The following DNMT3A variants were observed in gnomAD, a reference collection of about 807,000 sequenced individuals.
DNMT3A encodes DNA (cytosine-5)-methyltransferase 3A.
A neutral mutation model predicts 117.6 loss-of-function variants in DNMT3A; 267 were observed. The observed-to-expected ratio is 2.27, with a 90% CI of 2.05 to 2.51. The LOEUF (loss-of-function observed/expected upper bound fraction) is 2.51, where lower values mean the gene tolerates loss of function less well. Among genes scored for constraint, DNMT3A ranks in the 30% most tolerant of loss-of-function variants. The probability of loss-of-function intolerance (pLI) is 0.00; values close to 1 mark genes in which losing one functional copy is unlikely to be tolerated. For synonymous variants in DNMT3A, 432 were observed against 474.8 expected, an observed-to-expected ratio of 0.91 and a Z score of 1.17; for missense variants, 1,029 against 1,260.2, an observed-to-expected ratio of 0.82 and a Z score of 2.78.
Position 25,231,024 on chromosome 2 carries a change from G to A in DNMT3A, c.*3255C>T, listed in dbSNP as rs747110609. On this transcript the variant is annotated 3_prime_UTR_variant, in exon 23 of 23. Transcript: ENST00000321117. Reference sequence around the variant, plus strand: ...CACCAACCCTTTGGTTGGAGCACCAGGCCCAGTTCCGGTGGAGCTTGGGCC... The same window carrying A: ...CACCAACCCTTTGGTTGGAGCACCAAGCCCAGTTCCGGTGGAGCTTGGGCC... 1 of 152,290 alleles carries A rather than the reference G, an allele frequency of 6.6e-6. No homozygotes were observed. The highest frequency in any genetic ancestry group is 1.5e-5 in the Non-Finnish European group (1 of 68,092). The allele number at this position is 152,290 out of a possible 1,614,324, so 9.4% of individuals were successfully genotyped here.
intron 3 of DNMT3A, among the ~76,000 whole-genome samples, chr2:25,291,720 G>A (rs773887672): frequency 9.2e-5 from 14 of 152,220 alleles, no homozygotes; most frequent in Admixed American, 6.5e-5. Context: ...CTCTCCACCC[G>A]TGTGTCTGAG....
rs1675987649 is a variant in DNMT3A at position 25,254,919 on chromosome 2, C to G, written c.640-6667G>C. On this transcript the variant is annotated intron_variant, in intron 6 of 22. Coordinates refer to ENST00000321117, the MANE Select transcript of DNMT3A (RefSeq NM_022552.5). This position sits in a 1 kb window ranked among gnomAD's most constrained non-coding sequence, Gnocchi z 4.7. The stretch of plus-strand genomic sequence containing the variant: ...AGAACTGGCCAGAACTGTTCACTTT[C>G]TCTTGGCCACATATTAGGTAGCTGT... Among the ~76,000 whole-genome samples, 1 of 152,224 alleles carries G rather than the reference C, an allele frequency of 6.6e-6. No individual in the cohort carries two copies. Among genetic ancestry groups the G allele is most frequent in the Non-Finnish European group, 1.5e-5 (1 of 68,046 alleles).
intron 13 of DNMT3A, among the ~76,000 whole-genome samples, chr2:25,244,864 G>A (rs1016918577): frequency 5.3e-5 from 8 of 152,322 alleles, no homozygotes; most frequent in African/African-American, 1.9e-4. Context: ...AGAGCAGCCT[G>A]AGAACAAGGC....
chr2:25,258,600 A>G (rs745741387), intron 6 of DNMT3A, among the ~76,000 whole-genome samples: 1 of 152,196 alleles, frequency 6.6e-6, no homozygotes, highest in African/African-American at 2.4e-5. Flanking sequence ...ACATGAAACC[A>G]CAGCCCTCAT....
At position 25,282,377 on chromosome 2, in the gene DNMT3A, G is replaced by C; in HGVS notation, c.448+64C>G. 1 of 1,568,060 alleles carries C rather than the reference G, an allele frequency of 6.4e-7. No individual in the cohort carries two copies. Among genetic ancestry groups the C allele is most frequent in the Non-Finnish European group, 8.7e-7 (1 of 1,155,982 alleles). ...TTCCTGGGACCTGCTGGAGAGCCAAGTCCCTGACTCTCAGGGTATGCTGGT... is the reference window on the plus strand; with the variant it reads ...TTCCTGGGACCTGCTGGAGAGCCAACTCCCTGACTCTCAGGGTATGCTGGT... On this transcript the variant is annotated intron_variant, in intron 4 of 22. Transcript: ENST00000321117. The surrounding 1 kb of genome is among the most constrained non-coding windows in gnomAD (Gnocchi z 5.2).
rs553618123 is a variant in DNMT3A at position 25,317,154 on chromosome 2, C to T, written c.-177-2993G>A. 2.6e-5 allele frequency among the ~76,000 whole-genome samples: 4 copies of T among 151,824 alleles called. No individual in the cohort carries two copies. The South Asian group carries it at 8.3e-4, about 32-fold the overall frequency. The stretch of plus-strand genomic sequence containing the variant: ...CAATGCAGCCTCAAACTCCTGGGCT[C>T]AAGTGCAAGTGATCCTCCCACCTCA... On this transcript the variant is annotated intron_variant, in intron 1 of 22. Coordinates refer to ENST00000321117, the MANE Select transcript of DNMT3A (RefSeq NM_022552.5).
At chr2:25,338,934 C>T (rs2035310718) in intron 1 of DNMT3A, among the ~76,000 whole-genome samples, 1 of 152,116 alleles carries the variant, frequency 6.6e-6, no homozygotes, top group African/African-American at 2.4e-5. Context: ...ATTATCCACA[C>T]ACAGGGATTT....
At chr2:25,332,135 G>A (rs1303455281) in intron 1 of DNMT3A, among the ~76,000 whole-genome samples, 1 of 152,104 alleles carries the variant, frequency 6.6e-6, no homozygotes, top group East Asian at 1.9e-4. Flanking sequence ...CCGAGCTCTC[G>A]TCCTCGATGC....
At position 25,237,657 on chromosome 2, in the gene DNMT3A, C is replaced by T. The variant is rs541680824; in HGVS notation, c.2409-652G>A. On this transcript the variant is annotated intron_variant, in intron 20 of 22. Coordinates refer to ENST00000321117, the MANE Select transcript of DNMT3A (RefSeq NM_022552.5). This position sits in a 1 kb window ranked among gnomAD's most constrained non-coding sequence, Gnocchi z 5.4. ...GCAGGTGCCTGTAATCCCAGCTACT[C>T]GGGAGGCTGAGGCAGGAGAATCGCT... 6.1e-4 allele frequency among the ~76,000 whole-genome samples: 92 copies of T among 151,780 alleles called. No individual in the cohort carries two copies. In the South Asian group the frequency reaches 0.012, roughly 20 times the overall value.
At chr2:25,275,220 C>T in intron 5 of DNMT3A, 133 bp from the exon 6 acceptor site, 1 of 1,316,496 alleles carries the variant, frequency 7.6e-7, no homozygotes, top group Non-Finnish European at 1.0e-6. Flanking sequence ...CTGGGCAGGC[C>T]CCGTGTGGGC....
rs375577092 is a variant in DNMT3A, at chr2:25,236,924, G to A, written c.2478+12C>T. ...CTGCCCCCCAGCAGAGGTTCTAGAC[G>A]CTGGAGCTGACCTTGGCTATCCTGC... On this transcript the variant is annotated intron_variant, in intron 21 of 22. Coordinates refer to ENST00000321117, the MANE Select transcript of DNMT3A (RefSeq NM_022552.5). The surrounding 1 kb of genome is among the most constrained non-coding windows in gnomAD (Gnocchi z 4.5). 1.4e-5 allele frequency: 22 copies of A among 1,609,760 alleles called. 1 individual carries two copies. Among genetic ancestry groups the A allele is most frequent in the East Asian group, 8.9e-5 (4 of 44,802 alleles).
intron 6 of DNMT3A, among the ~76,000 whole-genome samples, chr2:25,269,497 A>G (rs1473945983): frequency 2.0e-5 from 3 of 152,216 alleles, no homozygotes; most frequent in Non-Finnish European, 4.4e-5. Flanking sequence ...GAAGGAAGGA[A>G]GGAGCATGGC....
rs1675709470 is a variant in DNMT3A, at chr2:25,252,533, C to A, written c.640-4281G>T. Among the ~76,000 whole-genome samples the A allele has an allele frequency of 3.3e-5, 5 of 151,490 alleles. No individual in the cohort carries two copies. Among genetic ancestry groups the A allele is most frequent in the Admixed American group, 3.3e-4 (5 of 15,222 alleles). On this transcript the variant is annotated intron_variant, in intron 6 of 22. Coordinates refer to ENST00000321117, the MANE Select transcript of DNMT3A (RefSeq NM_022552.5). The surrounding 1 kb of genome is among the most constrained non-coding windows in gnomAD (Gnocchi z 5.5). ...GGCCGTTCCCCGCCCGTTCCCAGGG[C>A]CCGCCCAGGCCGGGCTGCAGGGAGC...
chr2:25,321,544 A>G (rs2034597308), intron 1 of DNMT3A, among the ~76,000 whole-genome samples: 1 of 152,270 alleles, frequency 6.6e-6, no homozygotes, highest in South Asian at 2.1e-4. Flanking sequence ...ACATATTCAC[A>G]GGTCCAGGGG....
chr2:25,322,927 A>G (rs971726006), intron 1 of DNMT3A, among the ~76,000 whole-genome samples: 1 of 151,948 alleles, frequency 6.6e-6, no homozygotes, highest in Non-Finnish European at 1.5e-5. Flanking sequence ...GCTGAAAAAT[A>G]TCTGACCATT....
In DNMT3A at chr2:25,252,151, C is replaced by A; in HGVS notation, c.640-3899G>T. On this transcript the variant is annotated intron_variant, in intron 6 of 22. Coordinates refer to ENST00000321117, the MANE Select transcript of DNMT3A (RefSeq NM_022552.5). This position sits in a 1 kb window ranked among gnomAD's most constrained non-coding sequence, Gnocchi z 5.5. ...GAGATCCTCCCACCGGCCCTGCCGC[C>A]TCCCCGCCCCCGGTCTCCCCGGGGC... is the stretch of plus-strand genomic sequence containing the variant. The A allele has an allele frequency of 6.4e-7, 1 of 1,550,564 alleles. No individual in the cohort carries two copies. Among genetic ancestry groups the A allele is most frequent in the Non-Finnish European group, 8.7e-7 (1 of 1,148,676 alleles).
chr2:25,293,617 T>A lies in DNMT3A; in HGVS notation c.177+6522A>T, dbSNP rs7570527. ...GATCCTCCTGCCTTAGCCTCCCAAG[T>A]AGCTGCGACCACAGGTGTACCACCA... On this transcript the variant is annotated intron_variant, in intron 3 of 22. Coordinates refer to ENST00000321117, the MANE Select transcript of DNMT3A (RefSeq NM_022552.5). This position sits in a 1 kb window ranked among gnomAD's most constrained non-coding sequence, Gnocchi z 4.7. Among the ~76,000 whole-genome samples the A allele has an allele frequency of 0.23, 35,062 of 151,904 alleles. 4,165 individuals carry two copies. The highest frequency in any genetic ancestry group is 0.35 in the South Asian group (1,695 of 4,818).
In DNMT3A at chr2:25,234,728, A is replaced by G. The variant is rs528065196; in HGVS notation, c.2598-308T>C. On this transcript the variant is annotated intron_variant, in intron 22 of 22. Transcript: ENST00000321117. The surrounding 1 kb of genome is among the most constrained non-coding windows in gnomAD (Gnocchi z 4.5). ...CCAGCAGAAATAAGAGTAATTTTGA[A>G]CAATCCCTCAGAAATACCTCCAGGA... Among the ~76,000 whole-genome samples, 30 of 152,156 alleles carry G rather than the reference A, an allele frequency of 2.0e-4. No individual in the cohort carries two copies. The highest frequency in any genetic ancestry group is 3.2e-4 in the Non-Finnish European group (22 of 68,028).
chr2:25,291,533 C>T (rs2032765198), intron 3 of DNMT3A, among the ~76,000 whole-genome samples: 3 of 152,246 alleles, frequency 2.0e-5, no homozygotes, highest in African/African-American at 7.2e-5. Context: ...CCTCCAATTT[C>T]CCTTTTCCCT....
Sources: allele counts gnomAD v4.1 joint callset (sites outside exome capture counted in the v4.1 genomes callset), GRCh38; gene constraint gnomAD v4.1.1; non-coding constraint Gnocchi (gnomAD v3.1); transcripts MANE v1.5; gene names NCBI Gene and HGNC (gene_info 2026-07-23, HGNC 2026-07-21).